The following LHPP variants were observed in gnomAD, a reference collection of about 807,000 sequenced individuals.
LHPP encodes the protein hLHPP.
In LHPP, 24 loss-of-function variants were observed where a neutral mutation model predicts 30.3. The observed-to-expected ratio is 0.79, with a 90% CI of 0.57 to 1.11. The LOEUF (loss-of-function observed/expected upper bound fraction) is 1.11, where lower values mean the gene tolerates loss of function less well. LHPP is among the 50% of genes most tolerant of loss of function. The pLI is 0.00. For missense variants in LHPP, 356 were observed against 367.2 expected (o/e 0.97, Z 0.25); for synonymous variants, 150 against 157.1 (o/e 0.95, Z 0.34).
intron 5 of LHPP, among the ~76,000 whole-genome samples, chr10:124,505,098 A>T (rs995384874): frequency 3.3e-5 from 5 of 151,956 alleles, no homozygotes; most frequent in African/African-American, 1.2e-4. Flanking sequence ...CCCTCATATG[A>T]CATTTCTGCC....
At chr10:124,554,476 A>G (rs1345394263) in intron 6 of LHPP, among the ~76,000 whole-genome samples, 4 of 152,266 alleles carry the variant, frequency 2.6e-5, no homozygotes, top group Non-Finnish European at 5.9e-5. Context: ...GATTACAGGC[A>G]TGAGCCACTA....
chr10:124,562,915 AAAC>A (rs1948418254), intron 6 of LHPP, among the ~76,000 whole-genome samples: 1 of 151,906 alleles, frequency 6.6e-6, no homozygotes, highest in Non-Finnish European at 1.5e-5. Context: ...CTGGGCGACA[AAAC>A]AAGAAAGATA....
chr10:124,553,033 G>C (rs982851884), intron 6 of LHPP, among the ~76,000 whole-genome samples: 1 of 152,238 alleles, frequency 6.6e-6, no homozygotes, highest in Non-Finnish European at 1.5e-5. Flanking sequence ...GCCGCTCAGC[G>C]CTCCGCGGCC....
chr10:124,610,515 AGGGTGC>A lies in LHPP; in HGVS notation c.717-2743_717-2738del, dbSNP rs151099823. Among the ~76,000 whole-genome samples the A allele has an allele frequency of 9.9e-3, 134 of 13,602 alleles. 16 individuals are homozygous for A. The highest frequency in any genetic ancestry group is 0.031 in the East Asian group (8 of 256). 8.9% of individuals were successfully genotyped at this position (13,602 alleles called of 152,430 possible). ...GGTGAGGGTGTTGACGGAGCGGGTG[AGGGTGC>A]GGGTGAGGGTGCTGATGGAGCGGGT... On this transcript the variant is annotated intron_variant, in intron 6 of 6. Transcript: ENST00000368842.
At chr10:124,519,977 C>T (rs1244081294) in intron 6 of LHPP, among the ~76,000 whole-genome samples, 3 of 151,990 alleles carry the variant, frequency 2.0e-5, no homozygotes, top group Admixed American at 6.6e-5. Flanking sequence ...GGACTACAGG[C>T]GCCCACCACC....
At chr10:124,571,715 C>T (rs765418134) in intron 6 of LHPP, among the ~76,000 whole-genome samples, 1 of 152,194 alleles carries the variant, frequency 6.6e-6, no homozygotes, top group Non-Finnish European at 1.5e-5. Flanking sequence ...GCTCCCTAAC[C>T]GTGTTCCCTG....
At chr10:124,564,116 T>TA (rs1228598761) in intron 6 of LHPP, among the ~76,000 whole-genome samples, 12 of 148,750 alleles carry the variant, frequency 8.1e-5, no homozygotes, top group Non-Finnish European at 1.6e-4. Flanking sequence ...CCAGCTGATT[T>TA]AAAAAAAAAT....
chr10:124,589,599 C>G (rs747126042), intron 6 of LHPP, among the ~76,000 whole-genome samples: 18 of 152,230 alleles, frequency 1.2e-4, no homozygotes, highest in Non-Finnish European at 2.2e-4. Context: ...GCTCAGTGCA[C>G]AGGTCCCAGT....
At chr10:124,498,347 A>G in intron 5 of LHPP, 1 of 1,570,088 alleles carries the variant, frequency 6.4e-7, no homozygotes, top group Non-Finnish European at 8.6e-7. Context: ...GTATGAAAGC[A>G]AGAAGCAGAA....
intron 6 of LHPP, among the ~76,000 whole-genome samples, chr10:124,525,872 C>T (rs1217000735): frequency 6.6e-6 from 1 of 152,188 alleles, no homozygotes; most frequent in Non-Finnish European, 1.5e-5. Context: ...CCTGAACCCC[C>T]CTGCTGGGCT....
At chr10:124,604,457 G>A (rs1227913453) in intron 6 of LHPP, among the ~76,000 whole-genome samples, 1 of 152,218 alleles carries the variant, frequency 6.6e-6, no homozygotes. Context: ...GTGATGTACC[G>A]GTGCAGACCA....
Position 124,461,895 on chromosome 10 carries a change from G to T in LHPP, c.33G>T (p.Val11=). 4 of 1,257,426 alleles carry T rather than the reference G, an allele frequency of 3.2e-6. No homozygotes were observed. The highest frequency in any genetic ancestry group is 4.0e-6 in the Non-Finnish European group (4 of 997,892). The allele number at this position is 1,257,426 out of a possible 1,614,324, so 77.9% of individuals were successfully genotyped here. ...CGTGGGGCAAGCGGCTGGCTGGCGT[G>T]CGCGGGGTGCTGCTTGACATCTCGG... The part of the protein sequence containing the change: MAPWGKRLAG[V]RGVLLDISGV... The change falls in exon 1 of 7, where the codon GTG becomes GTT. Residue 11 remains valine (V), a synonymous_variant. Coordinates refer to ENST00000368842, the MANE Select transcript of LHPP (RefSeq NM_022126.4).
intron 1 of LHPP, among the ~76,000 whole-genome samples, chr10:124,475,164 A>G (rs900243017): frequency 6.6e-6 from 1 of 151,678 alleles, no homozygotes; most frequent in Admixed American, 6.6e-5. Flanking sequence ...CTGGGATTAC[A>G]GGTGTGCACC....
chr10:124,479,431 G>C (rs373900243), intron 1 of LHPP, among the ~76,000 whole-genome samples: 39 of 152,344 alleles, frequency 2.6e-4, no homozygotes, highest in African/African-American at 5.8e-4. Flanking sequence ...CCCACGGAGG[G>C]ATGACAAGGG....
At chr10:124,476,613 C>G (rs1296596992) in intron 1 of LHPP, among the ~76,000 whole-genome samples, 1 of 152,218 alleles carries the variant, frequency 6.6e-6, no homozygotes, top group Non-Finnish European at 1.5e-5. Context: ...GTCCCCCAGC[C>G]CAAGCTGGTG....
intron 6 of LHPP, among the ~76,000 whole-genome samples, chr10:124,568,237 T>G (rs1948523821): frequency 6.6e-6 from 1 of 152,176 alleles, no homozygotes; most frequent in Non-Finnish European, 1.5e-5. Context: ...TTAATTTTAT[T>G]GAAGAATAAC....
intron 1 of LHPP, among the ~76,000 whole-genome samples, chr10:124,479,096 G>A (rs1008487118): frequency 6.6e-6 from 1 of 150,590 alleles, no homozygotes; most frequent in African/African-American, 2.4e-5. Context: ...GATCCAGTTT[G>A]GCTACAGGAA....
chr10:124,601,394 G>A (rs1210640803), intron 6 of LHPP, among the ~76,000 whole-genome samples: 1 of 152,216 alleles, frequency 6.6e-6, no homozygotes, highest in Admixed American at 6.5e-5. Context: ...CTTGACCGGG[G>A]GGCCTTACGT....
chr10:124,544,207 C>T (rs559723687), intron 6 of LHPP, among the ~76,000 whole-genome samples: 2 of 145,564 alleles, frequency 1.4e-5, no homozygotes, highest in East Asian at 2.1e-4. Context: ...GCATCACCCA[C>T]CGGGGAGGCC....
Sources: allele counts gnomAD v4.1 joint callset (sites outside exome capture counted in the v4.1 genomes callset), GRCh38; gene constraint gnomAD v4.1.1; transcripts MANE v1.5; gene names NCBI Gene and HGNC (gene_info 2026-07-23, HGNC 2026-07-21).